The following TMEM47 variants were observed in gnomAD, a reference collection of about 807,000 sequenced individuals.
The protein encoded by TMEM47 is transmembrane protein 47, also known as brain cell membrane protein 1.
TMEM47 carries 3 observed loss-of-function variants against 12.4 expected under a neutral mutation model. That is an observed-to-expected ratio of 0.24 (90% CI 0.11 to 0.63). The LOEUF (loss-of-function observed/expected upper bound fraction) is 0.63, where lower values mean the gene tolerates loss of function less well. Among genes scored for constraint, TMEM47 ranks in the 20% least tolerant of loss-of-function variants. The pLI, the probability that TMEM47 is intolerant of heterozygous loss-of-function variation, is 0.86. For missense variants in TMEM47, 89 were observed against 143.8 expected (o/e 0.62, Z 1.95); for synonymous variants, 62 against 63.3 (o/e 0.98, Z 0.10).
intron 2 of TMEM47, among the ~76,000 whole-genome samples, chrX:34,632,175 T>C (rs1013945733): frequency 1.6e-4 from 18 of 111,946 alleles, no homozygotes; most frequent in African/African-American, 5.8e-4. Flanking sequence ...CTCTGATATA[T>C]GAAATAATTT....
At chrX:34,635,067 A>C (rs72626889) in intron 2 of TMEM47, among the ~76,000 whole-genome samples, 2,502 of 111,592 alleles carry the variant, frequency 0.022, 50 homozygotes, top group African/African-American at 0.072. Context: ...TCTTTGCCTG[A>C]GTTACCTCTG....
chrX:34,628,816 T>A lies in TMEM47; in HGVS notation c.*1497A>T, dbSNP rs1251543779. 1 of 112,300 alleles carries A rather than the reference T, an allele frequency of 8.9e-6. No individual in the cohort carries two copies. Among genetic ancestry groups the A allele is most frequent in the Non-Finnish European group, 1.9e-5 (1 of 53,160 alleles). 9.3% of individuals were successfully genotyped at this position (112,300 alleles called of 1,213,427 possible). A position where few individuals can be genotyped will look rare whatever the true frequency, so the allele number is the denominator to read the frequency against. On this transcript the variant is annotated 3_prime_UTR_variant, in exon 3 of 3. Coordinates refer to ENST00000275954, the MANE Select transcript of TMEM47 (RefSeq NM_031442.4). ...AACTTTTATATTAGAACTGTATATTTGATATAAAAATATGTTTATAATTAA... is the reference window on the plus strand; with the variant it reads ...AACTTTTATATTAGAACTGTATATTAGATATAAAAATATGTTTATAATTAA...
rs949194462 is a variant in TMEM47 at position 34,657,144 on chromosome X, TCGCTCCCTCGGGGCTCTG to T, written c.-133_-116del. 5.9e-6 allele frequency: 6 copies of T among 1,023,855 alleles called. No homozygotes were observed. The African/African-American group carries it at 1.0e-4, about 17-fold the overall frequency. The allele number at this position is 1,023,855 out of a possible 1,213,427, so 84.4% of individuals were successfully genotyped here. A position where few individuals can be genotyped will look rare whatever the true frequency, so the allele number is the denominator to read the frequency against. On this transcript the variant is annotated 5_prime_UTR_variant, in exon 1 of 3. Transcript: ENST00000275954. ...CCGCCGAGCTGCCACGCGCGGGGAC[TCGCTCCCTCGGGGCTCTG>T]CGCGCCCCCTGCCGCGCGGCCAAGG...
rs1434042566 is a variant in TMEM47, at chrX:34,627,087, CTT to C, written c.*3224_*3225del. On this transcript the variant is annotated 3_prime_UTR_variant, in exon 3 of 3. Transcript: ENST00000275954. ...AATTCAAACCACATCCGTGAAATCA[CTT>C]TTATTTTTATTTTTTTCCACATAGA... is the stretch of plus-strand genomic sequence containing the variant. The C allele has an allele frequency of 2.1e-3, 239 of 111,733 alleles. No homozygotes were observed. Among genetic ancestry groups the C allele is most frequent in the Non-Finnish European group, 3.3e-3 (173 of 53,092 alleles). The allele number at this position is 111,733 out of a possible 1,213,427, so 9.2% of individuals were successfully genotyped here.
intron 2 of TMEM47, among the ~76,000 whole-genome samples, chrX:34,633,802 A>C (rs980271663): frequency 9.0e-6 from 1 of 111,326 alleles, no homozygotes; most frequent in Admixed American, 9.6e-5. Flanking sequence ...AAAAATGGAA[A>C]TACAACTCCA....
At chrX:34,652,185 A>G (rs753254861) in intron 1 of TMEM47, among the ~76,000 whole-genome samples, 6 of 112,397 alleles carry the variant, frequency 5.3e-5, no homozygotes, top group East Asian at 2.8e-4. Flanking sequence ...AGCATAGCTC[A>G]CATGGAAGTT....
At chrX:34,633,019 C>T (rs1921653646) in intron 2 of TMEM47, among the ~76,000 whole-genome samples, 1 of 111,001 alleles carries the variant, frequency 9.0e-6, no homozygotes, top group Non-Finnish European at 1.9e-5. Flanking sequence ...CTGTACTGAT[C>T]CTACCAGGAT....
intron 1 of TMEM47, among the ~76,000 whole-genome samples, chrX:34,647,004 A>G (rs1227186360): frequency 9.0e-6 from 1 of 111,639 alleles, no homozygotes; most frequent in African/African-American, 3.2e-5. Flanking sequence ...TGCCTGGAAC[A>G]CAGACTAACT....
In TMEM47 at chrX:34,639,483, T is replaced by C. The variant is rs1569163378; in HGVS notation, c.227-96A>G. The C allele has an allele frequency of 1.7e-5, 15 of 882,402 alleles. No individual in the cohort carries two copies. In the East Asian group the frequency reaches 4.4e-4, roughly 26 times the overall value. 72.7% of individuals were successfully genotyped at this position (882,402 alleles called of 1,213,427 possible). ...CTTCACCTTGCAGTGGCTCAACAGA[T>C]GTGATTTTACTGCATGCTAAGCATC... On this transcript the variant is annotated intron_variant, in intron 1 of 2. Transcript: ENST00000275954.
chrX:34,639,244 T>C lies in TMEM47; in HGVS notation c.367+3A>G. 2 of 1,183,838 alleles carry C rather than the reference T, an allele frequency of 1.7e-6. No homozygotes were observed. The highest frequency in any genetic ancestry group is 2.3e-6 in the Non-Finnish European group (2 of 880,875). ...CTCATTTGAAAGTAATGAATCTGTT[T>C]ACCTGCTGCAAAAAGCATGACCGCA... On this transcript the variant is annotated splice_donor_region_variant and intron_variant, in intron 2 of 2. Coordinates refer to ENST00000275954, the MANE Select transcript of TMEM47 (RefSeq NM_031442.4).
Position 34,630,274 on chromosome X carries a change from T to C in TMEM47, c.*39A>G, listed in dbSNP as rs1170718911. On this transcript the variant is annotated 3_prime_UTR_variant, in exon 3 of 3. Coordinates refer to ENST00000275954, the MANE Select transcript of TMEM47 (RefSeq NM_031442.4). ...AAAGATGCAGACGTAATCCTTTTGT[T>C]GGATGGTGGTGGTTGTTTTTACTTT... The C allele has an allele frequency of 8.9e-7, 1 of 1,117,923 alleles. No homozygotes were observed. Among genetic ancestry groups the C allele is most frequent in the Non-Finnish European group, 1.2e-6 (1 of 831,774 alleles). The allele number at this position is 1,117,923 out of a possible 1,213,427, so 92.1% of individuals were successfully genotyped here.
At position 34,627,532 on chromosome X, in the gene TMEM47, A is replaced by G. The variant is rs991427817; in HGVS notation, c.*2781T>C. On this transcript the variant is annotated 3_prime_UTR_variant, in exon 3 of 3. Coordinates refer to ENST00000275954, the MANE Select transcript of TMEM47 (RefSeq NM_031442.4). ...TATACAGGTACATGCTAATCCATAT[A>G]TATCATTTATATTCAAACACATAAG... is the stretch of plus-strand genomic sequence containing the variant. The G allele has an allele frequency of 9.8e-5, 11 of 112,065 alleles. No individual in the cohort carries two copies. Among genetic ancestry groups the G allele is most frequent in the Non-Finnish European group, 1.9e-4 (10 of 53,120 alleles). The allele number at this position is 112,065 out of a possible 1,213,427, so 9.2% of individuals were successfully genotyped here. A position where few individuals can be genotyped will look rare whatever the true frequency, so the allele number is the denominator to read the frequency against.
At chrX:34,654,663 TC>T (rs781630939) in intron 1 of TMEM47, among the ~76,000 whole-genome samples, 1 of 111,774 alleles carries the variant, frequency 8.9e-6, no homozygotes, top group African/African-American at 3.3e-5. Context: ...CCGCCCTGTG[TC>T]CCACCATCAC....
chrX:34,632,917 C>T lies in TMEM47; in HGVS notation c.368-2426G>A, dbSNP rs182486680. Among the ~76,000 whole-genome samples, 4 of 110,729 alleles carry T rather than the reference C, an allele frequency of 3.6e-5. No individual in the cohort carries two copies. The East Asian group carries it at 1.1e-3, about 32-fold the overall frequency. ...AGAAGTCAATTACTATCAACCATAA[C>T]TACAGAGAAGAAAATTCCAAAGTTG... On this transcript the variant is annotated intron_variant, in intron 2 of 2. Coordinates refer to ENST00000275954, the MANE Select transcript of TMEM47 (RefSeq NM_031442.4).
At position 34,657,055 on chromosome X, in the gene TMEM47, C is replaced by T. The variant is rs374351739; in HGVS notation, c.-26G>A. On this transcript the variant is annotated 5_prime_UTR_variant, in exon 1 of 3. Coordinates refer to ENST00000275954, the MANE Select transcript of TMEM47 (RefSeq NM_031442.4). ...TCCTGGGCGCCGCTGTCGTCCGCCC[C>T]GCCGCAGGCGAGGACGCCAGGCGGG... 3,926 of 1,123,347 alleles carry T rather than the reference C, an allele frequency of 3.5e-3. 4 individuals are homozygous for T. The highest frequency in any genetic ancestry group is 4.2e-3 in the Non-Finnish European group (3,597 of 850,603). The allele number at this position is 1,123,347 out of a possible 1,213,427, so 92.6% of individuals were successfully genotyped here.
intron 2 of TMEM47, among the ~76,000 whole-genome samples, chrX:34,631,511 A>C (rs770479915): frequency 9.0e-6 from 1 of 111,600 alleles, no homozygotes; most frequent in South Asian, 3.7e-4. Flanking sequence ...TCTGTTTTCC[A>C]CCTACTTTCA....
intron 2 of TMEM47, among the ~76,000 whole-genome samples, chrX:34,631,093 C>A (rs1921610475): frequency 1.1e-5 from 1 of 93,846 alleles, no homozygotes; most frequent in Non-Finnish European, 2.0e-5. Context: ...ATCGCTTGAA[C>A]CAGGGAGGGG....
At position 34,657,240 on chromosome X, in the gene TMEM47, G is replaced by C; in HGVS notation, c.-211C>G. The C allele has an allele frequency of 2.1e-6, 1 of 475,787 alleles. No homozygotes were observed. Among genetic ancestry groups the C allele is most frequent in the Non-Finnish European group, 2.9e-6 (1 of 345,199 alleles). The allele number at this position is 475,787 out of a possible 1,213,427, so 39.2% of individuals were successfully genotyped here. A position where few individuals can be genotyped will look rare whatever the true frequency, so the allele number is the denominator to read the frequency against. ...GTGGGTCGTCGGCAGCCGCAGCGAC[G>C]TCGATTCCACCCCGGACCTTCGCCG... On this transcript the variant is annotated 5_prime_UTR_variant, in exon 1 of 3. Transcript: ENST00000275954.
chrX:34,650,152 C>T (rs1921990744), intron 1 of TMEM47, among the ~76,000 whole-genome samples: 1 of 112,271 alleles, frequency 8.9e-6, no homozygotes, highest in African/African-American at 3.2e-5. Context: ...CTTATCAACA[C>T]ATATAATTCT....
Sources: gnomAD v4.1 joint callset for allele counts (sites outside exome capture counted in the v4.1 genomes callset) on GRCh38, gnomAD v4.1.1 for gene constraint, MANE v1.5 for transcripts, NCBI Gene and HGNC (gene_info 2026-07-23, HGNC 2026-07-21) for gene names.